The following FAM227B variants were observed in gnomAD, a reference collection of about 807,000 sequenced individuals.
The protein encoded by FAM227B is family with sequence similarity 227 member B.
A neutral mutation model predicts 73.8 loss-of-function variants in FAM227B; 88 were observed. The observed-to-expected ratio is 1.19, with a 90% confidence interval of 1.00 to 1.42. The LOEUF (loss-of-function observed/expected upper bound fraction) is 1.42. Among genes scored for constraint, FAM227B ranks in the 40% most tolerant of loss-of-function variants. The probability of loss-of-function intolerance (pLI) is 0.00; values close to 1 mark genes in which losing one functional copy is unlikely to be tolerated. For missense variants in FAM227B, 632 were observed against 590.9 expected (o/e 1.07, Z -0.72); for synonymous variants, 210 against 190.5 (o/e 1.10, Z -0.84).
At chr15:49,440,500 G>C (rs2051535744) in intron 11 of FAM227B, among the ~76,000 whole-genome samples, 1 of 151,578 alleles carries the variant, frequency 6.6e-6, no homozygotes, top group Non-Finnish European at 1.5e-5. Context: ...ACTACTTAAT[G>C]TCCTATTTAC....
chr15:49,604,926 G>A (rs2077416928), intron 3 of FAM227B, among the ~76,000 whole-genome samples: 1 of 151,828 alleles, frequency 6.6e-6, no homozygotes, highest in South Asian at 2.1e-4. Flanking sequence ...TCTTTTATAA[G>A]CCTCTACTTT....
At chr15:49,584,978 C>A (rs957386336) in intron 5 of FAM227B, among the ~76,000 whole-genome samples, 4 of 152,030 alleles carry the variant, frequency 2.6e-5, no homozygotes, top group Non-Finnish European at 5.9e-5. Flanking sequence ...CTACAATGAA[C>A]TCAAACAAAT....
At chr15:49,339,602 C>G (rs2151209215) in intron 13 of FAM227B, among the ~76,000 whole-genome samples, 1 of 152,276 alleles carries the variant, frequency 6.6e-6, no homozygotes, top group East Asian at 1.9e-4. Context: ...ACCCAGGTGT[C>G]AGGGACCCAC....
chr15:49,361,391 C>G (rs924559497), intron 13 of FAM227B, among the ~76,000 whole-genome samples: 4 of 152,076 alleles, frequency 2.6e-5, no homozygotes, highest in African/African-American at 9.7e-5. Context: ...GATCCTCACC[C>G]TCCTCCTTCC....
intron 9 of FAM227B, among the ~76,000 whole-genome samples, chr15:49,553,784 C>T (rs1389700783): frequency 6.6e-6 from 1 of 152,172 alleles, no homozygotes; most frequent in Non-Finnish European, 1.5e-5. Context: ...TGGGACACAA[C>T]CTTCAGGGAA....
At chr15:49,531,273 T>TTA (rs1285761947) in intron 10 of FAM227B, among the ~76,000 whole-genome samples, 2 of 151,836 alleles carry the variant, frequency 1.3e-5, no homozygotes, top group Non-Finnish European at 2.9e-5. Context: ...TTGTGTATGC[T>TTA]TATATATATT....
rs75826164 is a variant in FAM227B, at chr15:49,380,952, G to T, written c.1013-9553C>A. 5.6e-3 allele frequency among the ~76,000 whole-genome samples: 851 copies of T among 152,278 alleles called. 7 individuals are homozygous for T. Among genetic ancestry groups the T allele is most frequent in the African/African-American group, 0.02 (811 of 41,540 alleles). ...GATTATGGTTCTGCGGGATGTACAA[G>T]AAACATAGTGCCAGCATCTGCTTCT... On this transcript the variant is annotated intron_variant, in intron 11 of 15. Coordinates refer to ENST00000299338, the MANE Select transcript of FAM227B (RefSeq NM_152647.3).
chr15:49,329,328 T>G, intron 15 of FAM227B: 1 of 985,436 alleles, frequency 1.0e-6, no homozygotes, highest in Non-Finnish European at 1.2e-6. Context: ...ACTTTCTGAA[T>G]TATGTAATGA....
chr15:49,505,972 A>G (rs1306885124), intron 11 of FAM227B, among the ~76,000 whole-genome samples: 1 of 151,990 alleles, frequency 6.6e-6, no homozygotes, highest in African/African-American at 2.4e-5. Context: ...GCATAGGAAA[A>G]CTGAAGTGTC....
chr15:49,441,184 T>G (rs1403263483), intron 11 of FAM227B, among the ~76,000 whole-genome samples: 1 of 151,738 alleles, frequency 6.6e-6, no homozygotes, highest in Non-Finnish European at 1.5e-5. Flanking sequence ...TGGAAGAGAC[T>G]GCAGAAGGAG....
chr15:49,500,083 G>T (rs1300058668), intron 11 of FAM227B, among the ~76,000 whole-genome samples: 1 of 152,184 alleles, frequency 6.6e-6, no homozygotes, highest in Non-Finnish European at 1.5e-5. Flanking sequence ...GAAAATATTT[G>T]TAAAATATGT....
intron 8 of FAM227B, among the ~76,000 whole-genome samples, chr15:49,571,318 T>C (rs1405593674): frequency 2.0e-5 from 3 of 152,020 alleles, no homozygotes; most frequent in East Asian, 1.9e-4. Flanking sequence ...CTTCAATCTA[T>C]TGACTGTTTG....
chr15:49,413,901 G>C (rs763337264), intron 11 of FAM227B, among the ~76,000 whole-genome samples: 1 of 151,220 alleles, frequency 6.6e-6, no homozygotes, highest in Non-Finnish European at 1.5e-5. Flanking sequence ...TCATGTATCA[G>C]ATCTGAGCTT....
chr15:49,555,821 A>G (rs927680296), intron 9 of FAM227B, among the ~76,000 whole-genome samples: 1 of 152,188 alleles, frequency 6.6e-6, no homozygotes, highest in African/African-American at 2.4e-5. Context: ...GTCTTTCCTC[A>G]GCTTGGTCTA....
intron 11 of FAM227B, chr15:49,489,071 GGTTT>G (rs1245150494): frequency 1.2e-5 from 2 of 165,304 alleles, no homozygotes; most frequent in Non-Finnish European, 2.5e-5. Context: ...GGAAGCCACA[GGTTT>G]GTTTTTTTAT....
chr15:49,561,044 G>A (rs775816956), intron 9 of FAM227B, among the ~76,000 whole-genome samples: 2 of 152,072 alleles, frequency 1.3e-5, no homozygotes, highest in African/African-American at 2.4e-5. Context: ...TACTTTGAAC[G>A]TATATTGTCT....
intron 11 of FAM227B, among the ~76,000 whole-genome samples, chr15:49,405,098 T>G (rs945311322): frequency 6.6e-6 from 1 of 152,176 alleles, no homozygotes; most frequent in East Asian, 1.9e-4. Context: ...TTCTGGCTTG[T>G]AGGGTTTCTG....
At chr15:49,563,789 G>A (rs958883181) in intron 9 of FAM227B, among the ~76,000 whole-genome samples, 2 of 152,172 alleles carry the variant, frequency 1.3e-5, no homozygotes, top group East Asian at 1.9e-4. Context: ...CTAGCCATAC[G>A]CTGAAGAACA....
intron 13 of FAM227B, among the ~76,000 whole-genome samples, chr15:49,345,543 C>A (rs79585476): frequency 0.022 from 3,379 of 152,280 alleles, 101 homozygotes; most frequent in South Asian, 0.077. Context: ...AGACCATATA[C>A]ATTATGAACA....
Sources: gnomAD v4.1 joint callset for allele counts (sites outside exome capture counted in the v4.1 genomes callset) on GRCh38, gnomAD v4.1.1 for gene constraint, MANE v1.5 for transcripts, NCBI Gene and HGNC (gene_info 2026-07-23, HGNC 2026-07-21) for gene names.